Variants in SNX15 observed in about 807,000 individuals in gnomAD.
SNX15 encodes sorting nexin-15.
Under a neutral mutation model 35.2 loss-of-function variants are expected in SNX15, and 29 were observed. The observed-to-expected ratio is 0.82, with a 90% CI of 0.61 to 1.12. The LOEUF (loss-of-function observed/expected upper bound fraction) is 1.12, where lower values mean the gene tolerates loss of function less well. Among genes scored for constraint, SNX15 ranks in the 50% most tolerant of loss-of-function variants. SNX15 has a pLI of 0.00. For synonymous variants in SNX15, 189 were observed against 188.2 expected (o/e 1.00, Z -0.03); for missense variants, 400 against 451.5 (o/e 0.89, Z 1.03).
At chr11:65,035,396 C>G in intron 5 of SNX15, 124 bp from the exon 6 acceptor site, 1 of 1,311,706 alleles carries the variant, frequency 7.6e-7, no homozygotes. Context: ...AAAATGAGCA[C>G]AAACCCTAAT....
Position 65,039,681 on chromosome 11 carries a change from CA to C in SNX15, c.923-4del. 1 of 1,609,200 alleles carries C rather than the reference CA, an allele frequency of 6.2e-7. No individual in the cohort carries two copies. The highest frequency in any genetic ancestry group is 8.5e-7 in the Non-Finnish European group (1 of 1,176,680). On this transcript the variant is annotated splice_region_variant and splice_polypyrimidine_tract_variant and intron_variant, in intron 7 of 7. Transcript: ENST00000377244. The stretch of plus-strand genomic sequence containing the variant: ...GTGCCTCAGCTGAGCATTCTCTCTC[CA>C]CAGGTGACCCGTTGCCTGCCCGCCA...
chr11:65,028,837 TAATCCCAGC>T (rs1297268477), intron 1 of SNX15, among the ~76,000 whole-genome samples: 2 of 150,100 alleles, frequency 1.3e-5, no homozygotes, highest in African/African-American at 4.9e-5. Flanking sequence ...CTCACGCCTG[TAATCCCAGC>T]ACTTTGGGAG....
chr11:65,033,543 C>CAAAAAAA (rs35724941), intron 3 of SNX15, among the ~76,000 whole-genome samples: 2 of 86,474 alleles, frequency 2.3e-5, no homozygotes, highest in African/African-American at 4.5e-5. Context: ...GACTCCGTCT[C>CAAAAAAA]AAAAAAAAAA....
At chr11:65,030,255 T>C (rs1946425994) in intron 1 of SNX15, among the ~76,000 whole-genome samples, 1 of 151,138 alleles carries the variant, frequency 6.6e-6, no homozygotes, top group South Asian at 2.1e-4. Context: ...CTCGGGAGGC[T>C]GAGGCAGGAG....
intron 5 of SNX15, 121 bp downstream of exon 5, chr11:65,035,327 T>C (rs1165002694): frequency 1.6e-6 from 2 of 1,268,560 alleles, no homozygotes; most frequent in African/African-American, 3.0e-5. Flanking sequence ...ATCACTTAAC[T>C]GGCTGAGGAA....
chr11:65,035,321 C>CT, intron 5 of SNX15, 115 bp downstream of exon 5: 2 of 1,279,356 alleles, frequency 1.6e-6, no homozygotes, highest in Non-Finnish European at 2.2e-6. Flanking sequence ...AGGTCTATCA[C>CT]TTAACTGGCT....
chr11:65,038,522 C>A, intron 6 of SNX15, 50 bp from the exon 7 acceptor site: 1 of 1,500,954 alleles, frequency 6.7e-7, no homozygotes, highest in Non-Finnish European at 8.9e-7. Flanking sequence ...GGCAGAGGGC[C>A]TGGGAAAGGA....
intron 6 of SNX15, 120 bp from the exon 7 acceptor site, chr11:65,038,452 T>C (rs1466535367): frequency 4.6e-6 from 6 of 1,314,168 alleles, no homozygotes; most frequent in Non-Finnish European, 6.1e-6. Context: ...TGCTCTGGCA[T>C]TGGTCCCCTC....
intron 1 of SNX15, among the ~76,000 whole-genome samples, chr11:65,031,864 T>C (rs1482910242): frequency 1.3e-5 from 2 of 151,714 alleles, no homozygotes; most frequent in Non-Finnish European, 2.9e-5. Flanking sequence ...ACCACTGCAC[T>C]CCAGCCTGGG....
chr11:65,031,183 C>T (rs1946435869), intron 1 of SNX15, among the ~76,000 whole-genome samples: 1 of 152,046 alleles, frequency 6.6e-6, no homozygotes, highest in African/African-American at 2.4e-5. Flanking sequence ...CCACCACACC[C>T]AGCTAATTTT....
In SNX15 at chr11:65,032,167, G is replaced by T; in HGVS notation, c.100-1G>T. ...AACCAGCTCTTGCCTTTCTTTCTCA[G>T]TTCATCTCAAAGAAGGACCCAGAGG... On this transcript the variant is annotated splice_acceptor_variant, in intron 1 of 7. Coordinates refer to ENST00000377244, the MANE Select transcript of SNX15 (RefSeq NM_013306.5). LOFTEE classifies it high-confidence loss of function. 2.5e-6 allele frequency: 4 copies of T among 1,614,164 alleles called. No homozygotes were observed. The highest frequency in any genetic ancestry group is 3.4e-6 in the Non-Finnish European group (4 of 1,179,990).
At position 65,039,737 on chromosome 11, in the gene SNX15, A is replaced by G. The variant is rs761704754; in HGVS notation, c.974A>G (p.Tyr325Cys). The G allele has an allele frequency of 6.2e-7, 1 of 1,613,598 alleles. No homozygotes were observed. The highest frequency in any genetic ancestry group is 1.3e-5 in the African/African-American group (1 of 74,916). ...QEGVKKKAAEYLKRAEEILRL... is the reference protein window; with the variant it reads ...QEGVKKKAAECLKRAEEILRL... ...GGTGTGAAGAAGAAGGCAGCTGAGT[A>G]CCTGAAGCGGGCAGAGGAGATCCTG... is the stretch of plus-strand genomic sequence containing the variant. The change falls in exon 8 of 8, where the codon TAC (tyrosine) becomes TGC (cysteine). Residue 325 changes from tyrosine to cysteine, a missense_variant. Tyr to Cys is a radical substitution (Grantham distance 194, BLOSUM62 -2). Transcript: ENST00000377244.
intron 2 of SNX15, 38 bp from the exon 3 acceptor site, chr11:65,032,393 C>G (rs1256971773): frequency 6.2e-7 from 1 of 1,613,942 alleles, no homozygotes. Context: ...CTGCCTCCCA[C>G]CATTGCTGGT....
intron 1 of SNX15, among the ~76,000 whole-genome samples, chr11:65,031,774 A>G (rs557269308): frequency 6.6e-6 from 1 of 152,168 alleles, no homozygotes; most frequent in South Asian, 2.1e-4. Flanking sequence ...GTGGTGGTGC[A>G]TGTCTGTAGC....
At position 65,038,690 on chromosome 11, in the gene SNX15, A is replaced by G; in HGVS notation, c.783A>G (p.Glu261=). The G allele has an allele frequency of 6.2e-7, 1 of 1,610,452 alleles. No homozygotes were observed. The highest frequency in any genetic ancestry group is 8.5e-7 in the Non-Finnish European group (1 of 1,178,510). ...PGGQEEEEDG[E]GGPTPAYLSQ... ...GGCAGGAGGAGGAAGAGGATGGGGA[A>G]GGAGGGCCCACCCCTGCCTACCTAA... Residue 261 remains glutamate (E), a synonymous_variant, in exon 7 of 8, where the codon GAA becomes GAG. Coordinates refer to ENST00000377244, the MANE Select transcript of SNX15 (RefSeq NM_013306.5).
rs566780169 is a variant in SNX15 at position 65,034,983 on chromosome 11, C to T, written c.372+21C>T. 21 of 1,613,390 alleles carry T rather than the reference C, an allele frequency of 1.3e-5. No individual in the cohort carries two copies. The South Asian group carries it at 2.1e-4, about 16-fold the overall frequency. ...TCCGGGTATGTGCACCTTCCACCTT[C>T]CCAGAACTTGGGCCACTTACCCACC... On this transcript the variant is annotated intron_variant, in intron 4 of 7. Coordinates refer to ENST00000377244, the MANE Select transcript of SNX15 (RefSeq NM_013306.5).
rs746504224 is a variant in SNX15 at position 65,038,681 on chromosome 11, G to A, written c.774G>A (p.Glu258=). 6.2e-7 allele frequency: 1 copy of A among 1,611,434 alleles called. No homozygotes were observed. The highest frequency in any genetic ancestry group is 8.5e-7 in the Non-Finnish European group (1 of 1,178,954). The change falls in exon 7 of 8, where the codon GAG becomes GAA. Residue 258 remains glutamate (E), a synonymous_variant. Coordinates refer to ENST00000377244, the MANE Select transcript of SNX15 (RefSeq NM_013306.5). The stretch of plus-strand genomic sequence containing the variant: ...AGCCAGGAGGGCAGGAGGAGGAAGA[G>A]GATGGGGAAGGAGGGCCCACCCCTG... ...PWEPGGQEEE[E]DGEGGPTPAY...
At chr11:65,034,098 T>C (rs1199624934) in intron 3 of SNX15, among the ~76,000 whole-genome samples, 1 of 152,164 alleles carries the variant, frequency 6.6e-6, no homozygotes, top group East Asian at 1.9e-4. Flanking sequence ...GCACAGTAAC[T>C]GGACCAGAGT....
In SNX15 at chr11:65,027,454, C is replaced by T. The variant is rs545793141; in HGVS notation, c.-84C>T. ...GAAGAAGAGCGCAGGCCTGGCGAGG[C>T]GGCGGCGGGCGGAGGCTGGGCCGGA... On this transcript the variant is annotated 5_prime_UTR_variant, in exon 1 of 8. Transcript: ENST00000377244. The T allele has an allele frequency of 1.9e-4, 196 of 1,058,118 alleles. 3 individuals carry two copies. In the South Asian group the frequency reaches 2.4e-3, roughly 13 times the overall value. 65.5% of individuals were successfully genotyped at this position (1,058,118 alleles called of 1,614,324 possible).
Sources: gnomAD v4.1 joint callset for allele counts (sites outside exome capture counted in the v4.1 genomes callset) on GRCh38, gnomAD v4.1.1 for gene constraint, MANE v1.5 for transcripts, NCBI Gene and HGNC (gene_info 2026-07-23, HGNC 2026-07-21) for gene names.